The following INSR variants were observed in gnomAD, a reference collection of about 807,000 sequenced individuals.
INSR encodes insulin receptor, also known as IR.
INSR carries 67 observed loss-of-function variants against 142.6 expected under a neutral mutation model. The ratio of observed to expected loss-of-function variants is 0.47; its 90% CI spans 0.39 to 0.58. INSR has a LOEUF of 0.58. INSR is among the 20% of genes least tolerant of loss of function. The pLI, the probability that INSR is intolerant of heterozygous loss-of-function variation, is 0.00. For synonymous variants in INSR, 756 were observed against 743.1 expected (o/e 1.02, Z -0.28); for missense variants, 1,248 against 1,833.2 (o/e 0.68, Z 5.83).
chr19:7,182,510 C>T (rs1974298982), intron 3 of INSR, among the ~76,000 whole-genome samples: 1 of 151,958 alleles, frequency 6.6e-6, no homozygotes, highest in Non-Finnish European at 1.5e-5. Flanking sequence ...GAGGCTCTGT[C>T]TCAAAATAAA....
At chr19:7,244,050 A>G (rs544898365) in intron 2 of INSR, among the ~76,000 whole-genome samples, 1 of 152,352 alleles carries the variant, frequency 6.6e-6, no homozygotes, top group South Asian at 2.1e-4. Context: ...GTAGAGGACG[A>G]AATTGCACAC....
At chr19:7,265,022 T>C (rs937836396) in intron 2 of INSR, among the ~76,000 whole-genome samples, 1 of 152,118 alleles carries the variant, frequency 6.6e-6, no homozygotes, top group Non-Finnish European at 1.5e-5. Flanking sequence ...GATAAGAAGA[T>C]CCTCCTTTCT....
rs760028782 is a variant in INSR, at chr19:7,163,190, A to C, written c.1871T>G (p.Val624Gly). ...YVQTDATNPS[V>G]PLDPISVSNS... ...AGACACTGAGATTGGATCCAGGGGC[A>C]CAGAGGGGTCTGTCAGGGAGAAAGG... Residue 624 changes from valine (V) to glycine (G), a missense_variant, in exon 9 of 22, where the codon GTG (valine) becomes GGG (glycine). This residue lies in a region of INSR where 1,069 missense variants were observed against 1,654.0 expected (regional missense o/e 0.65). Coordinates refer to ENST00000302850, the MANE Select transcript of INSR (RefSeq NM_000208.4). 4.3e-6 allele frequency: 7 copies of C among 1,613,352 alleles called. No individual in the cohort carries two copies. The highest frequency in any genetic ancestry group is 1.7e-5 in the Admixed American group (1 of 59,976).
At chr19:7,153,049 C>CACACAT in intron 9 of INSR, 122 bp from the exon 10 acceptor site, 1 of 374,426 alleles carries the variant, frequency 2.7e-6, no homozygotes. Flanking sequence ...CACCACACAC[C>CACACAT]CCCCCACACA....
At chr19:7,145,386 T>C (rs1973163753) in intron 11 of INSR, among the ~76,000 whole-genome samples, 1 of 152,182 alleles carries the variant, frequency 6.6e-6, no homozygotes, top group Non-Finnish European at 1.5e-5. Flanking sequence ...AGGGATCTTT[T>C]CCCTTATTTT....
At chr19:7,223,953 T>A (rs149014493) in intron 2 of INSR, among the ~76,000 whole-genome samples, 6 of 61,998 alleles carry the variant, frequency 9.7e-5, no homozygotes, top group Admixed American at 1.9e-4. Flanking sequence ...AAAAAAAATT[T>A]TTTTTTTTTT....
At chr19:7,137,012 T>C (rs1972945918) in intron 13 of INSR, among the ~76,000 whole-genome samples, 1 of 151,828 alleles carries the variant, frequency 6.6e-6, no homozygotes, top group Non-Finnish European at 1.5e-5. Flanking sequence ...TTTGTATTTT[T>C]AGTAGATACG....
Position 7,150,834 on chromosome 19 carries a change from A to G in INSR, c.2232-302T>C, listed in dbSNP as rs904885347. 2.0e-5 allele frequency among the ~76,000 whole-genome samples: 3 copies of G among 152,126 alleles called. No individual in the cohort carries two copies. Among genetic ancestry groups the G allele is most frequent in the African/African-American group, 7.2e-5 (3 of 41,442 alleles). On this transcript the variant is annotated intron_variant, in intron 10 of 21. Coordinates refer to ENST00000302850, the MANE Select transcript of INSR (RefSeq NM_000208.4). This position sits in a 1 kb window ranked among gnomAD's most constrained non-coding sequence, Gnocchi z 4.2. ...CACAACTGACTCAGCCACTTCTCCAAGTCTGGCAGAATTTTTCTTTTCTTT... is the reference window on the plus strand; with the variant it reads ...CACAACTGACTCAGCCACTTCTCCAGGTCTGGCAGAATTTTTCTTTTCTTT...
At chr19:7,207,698 G>A (rs2145063243) in intron 2 of INSR, among the ~76,000 whole-genome samples, 1 of 152,194 alleles carries the variant, frequency 6.6e-6, no homozygotes, top group Non-Finnish European at 1.5e-5. Flanking sequence ...TGAGGCAGGA[G>A]GATCGCTTAA....
In INSR at chr19:7,247,419, G is replaced by A. The variant is rs78681647; in HGVS notation, c.652+19926C>T. On this transcript the variant is annotated intron_variant, in intron 2 of 21. Coordinates refer to ENST00000302850, the MANE Select transcript of INSR (RefSeq NM_000208.4). ...CTACTCCTTCCTTGTTCCTCTTCTCGATTAGATGTACCTATAATAGCCTCT... is the reference window on the plus strand; with the variant it reads ...CTACTCCTTCCTTGTTCCTCTTCTCAATTAGATGTACCTATAATAGCCTCT... Among the ~76,000 whole-genome samples the A allele has an allele frequency of 3.4e-3, 515 of 152,132 alleles. 6 individuals carry two copies. Among genetic ancestry groups the A allele is most frequent in the African/African-American group, 0.012 (492 of 41,480 alleles).
chr19:7,141,496 T>C (rs1170301612), intron 13 of INSR, 181 bp downstream of exon 13: 10 of 758,048 alleles, frequency 1.3e-5, no homozygotes, highest in East Asian at 2.7e-5. Flanking sequence ...AGCTGGTAGA[T>C]TGGCATTTCT....
chr19:7,178,232 G>A (rs1226027129), intron 3 of INSR, among the ~76,000 whole-genome samples: 2 of 121,860 alleles, frequency 1.6e-5, no homozygotes, highest in Non-Finnish European at 3.3e-5. Flanking sequence ...TAGGAATGTC[G>A]GGGTGACTTG....
intron 10 of INSR, among the ~76,000 whole-genome samples, chr19:7,151,173 TTTCTTTCTTTCTTTCTTTC>T (rs1973341470): frequency 3.1e-4 from 3 of 9,702 alleles, no homozygotes; most frequent in African/African-American, 4.3e-4. Flanking sequence ...TCTTTCTTTC[TTTCTTTCTTTCTTTCTTTC>T]TTTCTTTCTT....
chr19:7,249,315 C>A (rs1976635230), intron 2 of INSR, among the ~76,000 whole-genome samples: 1 of 152,090 alleles, frequency 6.6e-6, no homozygotes, highest in Non-Finnish European at 1.5e-5. Context: ...TTTTTTCTCA[C>A]CCCAGTAAAA....
Position 7,192,067 on chromosome 19 carries a change from GGAAA to G in INSR, c.653-7434_653-7431del, listed in dbSNP as rs1974608832. Among the ~76,000 whole-genome samples the G allele has an allele frequency of 7.8e-6, 1 of 129,020 alleles. No individual in the cohort carries two copies. The highest frequency in any genetic ancestry group is 1.6e-5 in the Non-Finnish European group (1 of 61,516). The allele number at this position is 129,020 out of a possible 152,430, so 84.6% of individuals were successfully genotyped here. On this transcript the variant is annotated intron_variant, in intron 2 of 21. Transcript: ENST00000302850. This position sits in a 1 kb window ranked among gnomAD's most constrained non-coding sequence, Gnocchi z 4.2. ...CAGGAAGGGAGGGAGAAAGAAAGAA[GGAAA>G]GAAAGAGAGAAAGAAGAAAGAATAC... is the stretch of plus-strand genomic sequence containing the variant.
chr19:7,268,595 A>T lies in INSR; in HGVS notation c.101-699T>A, dbSNP rs922240861. Reference sequence around the variant, plus strand: ...ACACCACTAAACAGGCCTGCCCACAACTCTTGCACAACTCCAAGACTCCTA... The same window carrying T: ...ACACCACTAAACAGGCCTGCCCACATCTCTTGCACAACTCCAAGACTCCTA... On this transcript the variant is annotated intron_variant, in intron 1 of 21. Coordinates refer to ENST00000302850, the MANE Select transcript of INSR (RefSeq NM_000208.4). 1.3e-5 allele frequency: 13 copies of T among 984,784 alleles called. No homozygotes were observed. In the South Asian group the frequency reaches 5.2e-4, roughly 39 times the overall value. The allele number at this position is 984,784 out of a possible 1,614,324, so 61.0% of individuals were successfully genotyped here.
intron 2 of INSR, 42 bp from the exon 3 acceptor site, chr19:7,184,679 T>TACAG: frequency 9.3e-7 from 1 of 1,071,452 alleles, no homozygotes; most frequent in East Asian, 2.9e-5. Flanking sequence ...AATAAATAAA[T>TACAG]AAATAAATAA....
chr19:7,281,337 AACACAC>A (rs34319011), intron 1 of INSR, among the ~76,000 whole-genome samples: 1 of 150,610 alleles, frequency 6.6e-6, no homozygotes, highest in Non-Finnish European at 1.5e-5. Flanking sequence ...ACAACAAACA[AACACAC>A]ACACACACAC....
At position 7,239,082 on chromosome 19, in the gene INSR, A is replaced by G. The variant is rs141835483; in HGVS notation, c.652+28263T>C. Among the ~76,000 whole-genome samples the G allele has an allele frequency of 2.1e-3, 327 of 152,242 alleles. 2 individuals carry two copies. Among genetic ancestry groups the G allele is most frequent in the Non-Finnish European group, 3.1e-3 (213 of 68,020 alleles). On this transcript the variant is annotated intron_variant, in intron 2 of 21. Coordinates refer to ENST00000302850, the MANE Select transcript of INSR (RefSeq NM_000208.4). The stretch of plus-strand genomic sequence containing the variant: ...GAGCAACTGAAGATATCCAAACATC[A>G]GCATCTCAAAGAGATTTAAAAAGAT...
Sources: gnomAD v4.1 joint callset for allele counts (sites outside exome capture counted in the v4.1 genomes callset) on GRCh38, gnomAD v4.1.1 for gene constraint, gnomAD v4.1.1 regional missense constraint, Gnocchi (gnomAD v3.1) non-coding constraint, MANE v1.5 for transcripts, NCBI Gene and HGNC (gene_info 2026-07-23, HGNC 2026-07-21) for gene names.